The following ITIH6 variants were observed in gnomAD, a reference collection of about 807,000 sequenced individuals.
ITIH6 encodes the protein inter-alpha-trypsin inhibitor heavy chain family member 6, also known as inter-alpha-trypsin inhibitor heavy chain H6.
Under a neutral mutation model 58.2 loss-of-function variants are expected in ITIH6, and 60 were observed. That is an observed-to-expected ratio of 1.03 (90% CI 0.84 to 1.28). The LOEUF is 1.28. Ranked by LOEUF, ITIH6 falls within the 50% of genes most tolerant of loss-of-function variation. The pLI, the probability that ITIH6 is intolerant of heterozygous loss-of-function variation, is 0.00. For synonymous variants in ITIH6, 493 were observed against 417.4 expected, an observed-to-expected ratio of 1.18 and a Z score of -2.21; for missense variants, 1,290 against 1,021.1, an observed-to-expected ratio of 1.26 and a Z score of -3.59.
intron 6 of ITIH6, among the ~76,000 whole-genome samples, chrX:54,762,819 C>A: frequency 8.9e-6 from 1 of 112,292 alleles, no homozygotes; most frequent in East Asian, 2.8e-4. Context: ...AGGGCTAGGC[C>A]CATAGGAGGT....
intron 5 of ITIH6, among the ~76,000 whole-genome samples, chrX:54,781,332 C>T (rs940208485): frequency 9.0e-6 from 1 of 111,665 alleles, no homozygotes; most frequent in African/African-American, 3.3e-5. Flanking sequence ...AACTATGCAT[C>T]TGGCAAAGGT....
At chrX:54,761,204 T>C (rs1184295223) in intron 6 of ITIH6, among the ~76,000 whole-genome samples, 1 of 112,614 alleles carries the variant, frequency 8.9e-6, no homozygotes, top group Non-Finnish European at 1.9e-5. Flanking sequence ...ATGAGCATTT[T>C]TTCATATGTC....
intron 6 of ITIH6, among the ~76,000 whole-genome samples, chrX:54,764,906 T>G (rs1352656960): frequency 2.0e-5 from 2 of 100,347 alleles, no homozygotes; most frequent in Admixed American, 2.2e-4. Context: ...TTTCTCCACA[T>G]CCTCTCCAGC....
At chrX:54,778,785 C>G (rs1320038734) in intron 5 of ITIH6, among the ~76,000 whole-genome samples, 1 of 111,053 alleles carries the variant, frequency 9.0e-6, no homozygotes, top group Non-Finnish European at 1.9e-5. Context: ...ATACAAGAAG[C>G]TACCAGAACA....
intron 8 of ITIH6, 140 bp from the exon 9 acceptor site, chrX:54,755,249 C>T (rs759780235): frequency 1.9e-4 from 86 of 463,708 alleles, no homozygotes; most frequent in Non-Finnish European, 2.4e-4. Context: ...CTCTCCACAG[C>T]CTCTTAATCT....
rs1372355857 is a variant in ITIH6, at chrX:54,774,112, C to T, written c.872G>A (p.Ser291Asn). 2 of 1,185,522 alleles carry T rather than the reference C, an allele frequency of 1.7e-6. No individual in the cohort carries two copies. The highest frequency in any genetic ancestry group is 1.8e-5 in the South Asian group (1 of 54,402). ...CATCTTGGTACCAAACATGGAGCTG[C>T]TTACGTCAATAACAAAAACCACATT... ...EKNVVFVIDV[S>N]SSMFGTKMEQ... Residue 291 changes from serine (S) to asparagine (N), a missense_variant, in exon 6 of 13, where the codon AGC becomes AAC. Ser to Asn is a conservative substitution (Grantham distance 46). Coordinates refer to ENST00000218436, the MANE Select transcript of ITIH6 (RefSeq NM_198510.3).
intron 2 of ITIH6, among the ~76,000 whole-genome samples, chrX:54,796,512 G>A (rs1241569588): frequency 2.7e-5 from 3 of 109,199 alleles, no homozygotes; most frequent in African/African-American, 1.0e-4. Flanking sequence ...GTGAAACCCC[G>A]TCTCTACTAA....
Position 54,757,746 on chromosome X carries a change from C to T in ITIH6, c.2328G>A (p.Val776=). 1 of 1,211,754 alleles carries T rather than the reference C, an allele frequency of 8.3e-7. No individual in the cohort carries two copies. Among genetic ancestry groups the T allele is most frequent in the Non-Finnish European group, 1.1e-6 (1 of 895,506 alleles). ...GIPASPKADT[V]KCVTPLHSKP... Reference sequence around the variant, plus strand: ...TGGAATGCAGTGGAGTAACACATTTCACAGTGTCAGCTTTGGGCGAGGCTG... The same window carrying T: ...TGGAATGCAGTGGAGTAACACATTTTACAGTGTCAGCTTTGGGCGAGGCTG... The change falls in exon 8 of 13, where the codon GTG becomes GTA. Residue 776 remains valine, a synonymous_variant. Transcript: ENST00000218436.
At position 54,775,524 on chromosome X, in the gene ITIH6, G is replaced by A. The variant is rs1202167810; in HGVS notation, c.787-1327C>T. Among the ~76,000 whole-genome samples the A allele has an allele frequency of 1.3e-4, 14 of 111,348 alleles. No homozygotes were observed. The South Asian group carries it at 4.9e-3, about 39-fold the overall frequency. ...AAGGAGGTCCTGCCTTGGACCCCAT[G>A]CACTCCAAGTGCCCAGCCCCTCCAG... On this transcript the variant is annotated intron_variant, in intron 5 of 12. Transcript: ENST00000218436.
intron 6 of ITIH6, among the ~76,000 whole-genome samples, chrX:54,772,129 A>G (rs1928964204): frequency 8.9e-6 from 1 of 112,600 alleles, no homozygotes; most frequent in Admixed American, 9.4e-5. Context: ...TGGATAAAGA[A>G]AATGTGGTAC....
intron 6 of ITIH6, among the ~76,000 whole-genome samples, chrX:54,764,849 T>G (rs1928735724): frequency 2.0e-5 from 2 of 101,530 alleles, no homozygotes; most frequent in Non-Finnish European, 4.0e-5. Context: ...ACTTCCACAA[T>G]GGTTGAACTA....
chrX:54,768,900 T>C (rs1928870739), intron 6 of ITIH6, among the ~76,000 whole-genome samples: 1 of 108,890 alleles, frequency 9.2e-6, no homozygotes, highest in Admixed American at 9.7e-5. Context: ...GTGTTCTCTG[T>C]ATTTCCTGAA....
chrX:54,765,709 C>T (rs1046947547), intron 6 of ITIH6, among the ~76,000 whole-genome samples: 15 of 107,869 alleles, frequency 1.4e-4, no homozygotes, highest in South Asian at 4.0e-4. Context: ...GTTCACGAAG[C>T]GGCGTTATTT....
At chrX:54,760,714 A>T (rs1388532129) in intron 6 of ITIH6, among the ~76,000 whole-genome samples, 1 of 111,005 alleles carries the variant, frequency 9.0e-6, no homozygotes, top group Admixed American at 9.6e-5. Flanking sequence ...TGAGATAGTT[A>T]GCTGAGAATG....
rs780051222 is a variant in ITIH6 at position 54,798,169 on chromosome X, C to T, written c.42G>A (p.Leu14=). 2.5e-5 allele frequency: 30 copies of T among 1,184,814 alleles called. No individual in the cohort carries two copies. Among genetic ancestry groups the T allele is most frequent in the African/African-American group, 1.1e-4 (6 of 56,134 alleles). Residue 14 remains leucine (L), a synonymous_variant, in exon 1 of 13, where the codon CTG becomes CTA. Coordinates refer to ENST00000218436, the MANE Select transcript of ITIH6 (RefSeq NM_198510.3). Reference sequence around the variant, plus strand: ...GGTATGTCAGTTCAAGAAGAATGGTCAGCAAAAAGCTGACACAGATGAGGT... The same window carrying T: ...GGTATGTCAGTTCAAGAAGAATGGTTAGCAAAAAGCTGACACAGATGAGGT... ...WRYLICVSFL[L]TILLELTYQG... is the part of the protein sequence containing the mutation.
In ITIH6 at chrX:54,758,654, G is replaced by T; in HGVS notation, c.1420C>A (p.Leu474Met). Residue 474 changes from leucine to methionine, a missense_variant, in exon 8 of 13, where the codon CTG becomes ATG. Coordinates refer to ENST00000218436, the MANE Select transcript of ITIH6 (RefSeq NM_198510.3). ...GLYEEISMPLLADVRLNYLGG... is the reference protein window; with the variant it reads ...GLYEEISMPLMADVRLNYLGG... Reference sequence around the variant, plus strand: ...AGGTAGTTCAGACGCACATCTGCCAGCAGAGGCATGGAGATCTCCTCATAG... The same window carrying T: ...AGGTAGTTCAGACGCACATCTGCCATCAGAGGCATGGAGATCTCCTCATAG... 1 of 1,211,768 alleles carries T rather than the reference G, an allele frequency of 8.3e-7. No individual in the cohort carries two copies. Among genetic ancestry groups the T allele is most frequent in the South Asian group, 1.8e-5 (1 of 56,978 alleles).
chrX:54,756,448 G>T (rs1162120155), intron 8 of ITIH6, among the ~76,000 whole-genome samples: 2 of 112,161 alleles, frequency 1.8e-5, no homozygotes, highest in Admixed American at 9.4e-5. Context: ...AGTACAGTAT[G>T]TAGAGCAGTA....
At position 54,774,205 on chromosome X, in the gene ITIH6, A is replaced by T; in HGVS notation, c.787-8T>A. 1.9e-5 allele frequency: 1 copy of T among 53,810 alleles called. No individual in the cohort carries two copies. The highest frequency in any genetic ancestry group is 6.6e-4 in the South Asian group (1 of 1,508). 4.4% of individuals were successfully genotyped at this position (53,810 alleles called of 1,213,427 possible). A position where few individuals can be genotyped will look rare whatever the true frequency, so the allele number is the denominator to read the frequency against. ...GAAATAGTCATCGTAAATCTGGACC[A>T]AAAAAAAAAAAAAAAAAGTAGAACC... On this transcript the variant is annotated splice_polypyrimidine_tract_variant and splice_region_variant and intron_variant, in intron 5 of 12. Coordinates refer to ENST00000218436, the MANE Select transcript of ITIH6 (RefSeq NM_198510.3).
At chrX:54,775,252 G>T (rs1172742470) in intron 5 of ITIH6, among the ~76,000 whole-genome samples, 1 of 111,633 alleles carries the variant, frequency 9.0e-6, no homozygotes, top group African/African-American at 3.3e-5. Flanking sequence ...GGGCCGGTGA[G>T]TGCTTCTGGG....
Sources: gnomAD v4.1 joint callset for allele counts (sites outside exome capture counted in the v4.1 genomes callset) on GRCh38, gnomAD v4.1.1 for gene constraint, MANE v1.5 for transcripts, NCBI Gene and HGNC (gene_info 2026-07-23, HGNC 2026-07-21) for gene names.